CHN2: variants seen among roughly 807,000 people sequenced by gnomAD.
CHN2 encodes the protein chimerin 2, also known as beta-chimaerin.
In CHN2, 35 loss-of-function variants were observed where a neutral mutation model predicts 56.3. The observed-to-expected ratio is 0.62, with a 90% CI of 0.47 to 0.82. The LOEUF is 0.82. CHN2 is among the 40% of genes least tolerant of loss of function. The pLI, the probability that CHN2 is intolerant of heterozygous loss-of-function variation, is 0.00. For synonymous variants in CHN2, 210 were observed against 212.8 expected (o/e 0.99, Z 0.12); for missense variants, 491 against 580.5 (o/e 0.85, Z 1.58).
chr7:29,469,088 T>G (rs1307141938), intron 6 of CHN2, among the ~76,000 whole-genome samples: 1 of 152,180 alleles, frequency 6.6e-6, no homozygotes, highest in Non-Finnish European at 1.5e-5. Context: ...AATGGAAACT[T>G]CATCTGTCTA....
chr7:29,305,200 G>C (rs779743626), intron 1 of CHN2, among the ~76,000 whole-genome samples: 15 of 152,144 alleles, frequency 9.9e-5, no homozygotes, highest in Non-Finnish European at 1.8e-4. Flanking sequence ...GGAAAGGGGT[G>C]TTTTTCTGAG....
intron 1 of CHN2, among the ~76,000 whole-genome samples, chr7:29,221,832 A>G (rs776674241): frequency 2.6e-5 from 4 of 152,174 alleles, no homozygotes; most frequent in Non-Finnish European, 5.9e-5. Flanking sequence ...TGGTGTATAC[A>G]TACTACATTT....
intron 1 of CHN2, among the ~76,000 whole-genome samples, chr7:29,227,304 C>A (rs1786283366): frequency 6.6e-6 from 1 of 152,128 alleles, no homozygotes. Flanking sequence ...AGTCACTTTC[C>A]CAACTCAGTG....
At chr7:29,203,664 G>A (rs536703051) in intron 1 of CHN2, among the ~76,000 whole-genome samples, 28 of 152,190 alleles carry the variant, frequency 1.8e-4, no homozygotes, top group African/African-American at 5.8e-4. Flanking sequence ...AACCTTGATC[G>A]CAGAATCTGC....
At chr7:29,474,239 A>G (rs1272781524) in intron 6 of CHN2, among the ~76,000 whole-genome samples, 1 of 152,200 alleles carries the variant, frequency 6.6e-6, no homozygotes, top group African/African-American at 2.4e-5. Flanking sequence ...GTTAATGTCT[A>G]CATAATACCC....
Position 29,360,206 on chromosome 7 carries a change from A to C in CHN2, c.88+5543A>C, listed in dbSNP as rs548553826. ...AGGTTTTTCACAGTGCCATTAGACA[A>C]GATAATTAAATCCCCATTAAGACTC... On this transcript the variant is annotated intron_variant, in intron 2 of 12. Coordinates refer to ENST00000222792, the MANE Select transcript of CHN2 (RefSeq NM_004067.4). 3.8e-4 allele frequency among the ~76,000 whole-genome samples: 58 copies of C among 152,332 alleles called. No individual in the cohort carries two copies. In the East Asian group the frequency reaches 8.7e-3, roughly 23 times the overall value.
chr7:29,218,325 A>G (rs1785497006), intron 1 of CHN2, among the ~76,000 whole-genome samples: 1 of 152,198 alleles, frequency 6.6e-6, no homozygotes, highest in African/African-American at 2.4e-5. Flanking sequence ...ATCTGTGTTA[A>G]AAGGTTATAT....
intron 6 of CHN2, among the ~76,000 whole-genome samples, chr7:29,466,228 G>A (rs376817667): frequency 1.8e-4 from 27 of 150,856 alleles, no homozygotes; most frequent in Non-Finnish European, 2.2e-4. Context: ...GAGAGGAAGA[G>A]AGGAAGGAAG....
At chr7:29,146,876 T>G in exon 2 of CHN2, 1 of 1,551,192 alleles carries the variant, frequency 6.4e-7, no homozygotes, top group Non-Finnish European at 8.7e-7. Context: ...AGGATTTACA[T>G]TTGGAAAGCG....
intron 6 of CHN2, among the ~76,000 whole-genome samples, chr7:29,468,143 C>A (rs1291413253): frequency 6.0e-5 from 4 of 66,446 alleles, no homozygotes; most frequent in South Asian, 6.7e-4. Flanking sequence ...CGGACCCGCC[C>A]CCCCCCCCCC....
intron 6 of CHN2, among the ~76,000 whole-genome samples, chr7:29,442,982 A>G (rs1044175646): frequency 1.7e-5 from 2 of 121,052 alleles, no homozygotes; most frequent in African/African-American, 3.8e-5. Context: ...CGCCCAGGCC[A>G]GACTGCAGAC....
intron 6 of CHN2, among the ~76,000 whole-genome samples, chr7:29,426,230 A>G (rs1486868304): frequency 1.4e-5 from 2 of 142,534 alleles, no homozygotes; most frequent in Non-Finnish European, 3.1e-5. Context: ...AAAAAAAAAG[A>G]GTGGACTGCA....
At chr7:29,202,170 G>A (rs867279009) in intron 1 of CHN2, among the ~76,000 whole-genome samples, 2 of 152,232 alleles carry the variant, frequency 1.3e-5, no homozygotes, top group African/African-American at 4.8e-5. Context: ...TAAAGACATC[G>A]TAAGGAAAAC....
intron 6 of CHN2, among the ~76,000 whole-genome samples, chr7:29,477,126 G>A (rs1786672429): frequency 6.6e-6 from 1 of 152,272 alleles, no homozygotes; most frequent in Admixed American, 6.5e-5. Flanking sequence ...AGAGATTACT[G>A]TAATCAGTTT....
At chr7:29,154,180 G>A (rs1449188247) in intron 2 of CHN2, among the ~76,000 whole-genome samples, 1 of 152,122 alleles carries the variant, frequency 6.6e-6, no homozygotes, top group Non-Finnish European at 1.5e-5. Context: ...GAGGAGGGTG[G>A]TGGGCTTCTC....
intron 8 of CHN2, among the ~76,000 whole-genome samples, chr7:29,496,972 G>A (rs1789367173): frequency 6.6e-6 from 1 of 152,124 alleles, no homozygotes; most frequent in African/African-American, 2.4e-5. Context: ...ATACAATAAG[G>A]TAATGACACT....
rs565160632 is a variant in CHN2, at chr7:29,223,506, T to A, written c.49+28516T>A. Among the ~76,000 whole-genome samples the A allele has an allele frequency of 1.2e-3, 187 of 152,300 alleles. 1 individual carries two copies. Among genetic ancestry groups the A allele is most frequent in the African/African-American group, 4.3e-3 (180 of 41,568 alleles). On this transcript the variant is annotated intron_variant, in intron 1 of 12. Coordinates refer to ENST00000222792, the MANE Select transcript of CHN2 (RefSeq NM_004067.4). ...GTTTTTGAATTTTATATGCATGGAA[T>A]CATATAAGATTTACTTATGTACACT...
chr7:29,247,173 A>G (rs1788143330), intron 1 of CHN2, among the ~76,000 whole-genome samples: 1 of 152,316 alleles, frequency 6.6e-6, no homozygotes, highest in South Asian at 2.1e-4. Context: ...CTCCAGGTAG[A>G]GGGAACAGCA....
chr7:29,293,610 T>C (rs573213291), intron 1 of CHN2, among the ~76,000 whole-genome samples: 2 of 152,158 alleles, frequency 1.3e-5, no homozygotes, highest in South Asian at 4.2e-4. Flanking sequence ...CGCAAACAGG[T>C]AGGCTGTGTT....
Sources: gnomAD v4.1 joint callset for allele counts (sites outside exome capture counted in the v4.1 genomes callset) on GRCh38, gnomAD v4.1.1 for gene constraint, MANE v1.5 for transcripts, NCBI Gene and HGNC (gene_info 2026-07-23, HGNC 2026-07-21) for gene names.